Variants in WDR62 observed in about 807,000 individuals in gnomAD.
WDR62 encodes WD repeat-containing protein 62.
A neutral mutation model predicts 160.6 loss-of-function variants in WDR62; 112 were observed. That is an observed-to-expected ratio of 0.70 (90% CI 0.60 to 0.82). The LOEUF (loss-of-function observed/expected upper bound fraction) is 0.82, where lower values mean the gene tolerates loss of function less well. Ranked by LOEUF, WDR62 falls within the 40% of genes least tolerant of loss-of-function variation. The pLI is 0.00. For synonymous variants in WDR62, 792 were observed against 815.1 expected (o/e 0.97, Z 0.48); for missense variants, 1,819 against 1,983.8 (o/e 0.92, Z 1.58).
rs755228421 is a variant in WDR62 at position 36,103,037 on chromosome 19, G to C, written c.3425G>C (p.Arg1142Thr). 4 of 1,614,136 alleles carry C rather than the reference G, an allele frequency of 2.5e-6. No individual in the cohort carries two copies. Among genetic ancestry groups the C allele is most frequent in the South Asian group, 1.1e-5 (1 of 91,076 alleles). Residue 1142 changes from arginine (R) to threonine (T), a missense_variant, in exon 28 of 32, where the codon AGA (arginine) becomes ACA (threonine). Physicochemically the swap from Arg to Thr is moderately conservative, Grantham distance 71. Around this residue, in one of 3 missense-constraint regions of WDR62, gnomAD observed 770 missense variants for 734.2 expected, o/e 1.05. Coordinates refer to ENST00000401500, the MANE Select transcript of WDR62 (RefSeq NM_001083961.2). ...KLMDRGGSQP[R>T]AGTGYASPDR... Reference sequence around the variant, plus strand: ...ATGGACCGAGGCGGAAGCCAGCCCAGAGCAGGTACTGGCTACGCCTCCCCA... The same window carrying C: ...ATGGACCGAGGCGGAAGCCAGCCCACAGCAGGTACTGGCTACGCCTCCCCA...
At chr19:36,063,376 G>A (rs1172417743) in intron 3 of WDR62, among the ~76,000 whole-genome samples, 1 of 152,172 alleles carries the variant, frequency 6.6e-6, no homozygotes, top group African/African-American at 2.4e-5. Context: ...AGCCTCCTGA[G>A]TAGCTGGGAC....
chr19:36,091,946 A>G lies in WDR62; in HGVS notation c.2210+481A>G, dbSNP rs1031628439. ...TGCCATTTATTTTCTTGTCACCTTG[A>G]GCAGGTTATTTCCCCTGAGCCTCAG... is the stretch of plus-strand genomic sequence containing the variant. On this transcript the variant is annotated intron_variant, in intron 18 of 31. Transcript: ENST00000401500. Among the ~76,000 whole-genome samples, 59 of 152,070 alleles carry G rather than the reference A, an allele frequency of 3.9e-4. No individual in the cohort carries two copies. The Middle Eastern group carries it at 0.017, about 44-fold the overall frequency.
chr19:36,057,052 C>T lies in WDR62; in HGVS notation c.178-1728C>T, dbSNP rs377029393. On this transcript the variant is annotated intron_variant, in intron 1 of 31. Transcript: ENST00000401500. ...CTGGTCTTGAATTACTGAGCTCAAG[C>T]GATCTGCCTGCCTCGGCCTCCCAAA... 3.0e-4 allele frequency among the ~76,000 whole-genome samples: 46 copies of T among 152,116 alleles called. No homozygotes were observed. The South Asian group carries it at 3.3e-3, about 11-fold the overall frequency.
In WDR62 at chr19:36,102,870, C is replaced by T. The variant is rs1223151792; in HGVS notation, c.3335+19C>T. The T allele has an allele frequency of 6.2e-7, 1 of 1,614,056 alleles. No homozygotes were observed. The highest frequency in any genetic ancestry group is 2.2e-5 in the East Asian group (1 of 44,888). ...CATCCAGGTAGAAGCTGGCCAAGCACTGCCCACCCTCTGGCTCCTCAACAG... is the reference window on the plus strand; with the variant it reads ...CATCCAGGTAGAAGCTGGCCAAGCATTGCCCACCCTCTGGCTCCTCAACAG... On this transcript the variant is annotated intron_variant, in intron 27 of 31. Transcript: ENST00000401500.
At chr19:36,056,783 G>C (rs1278439392) in intron 1 of WDR62, among the ~76,000 whole-genome samples, 2 of 151,932 alleles carry the variant, frequency 1.3e-5, no homozygotes, top group Admixed American at 6.6e-5. Context: ...TGTTCTTCCT[G>C]GCAGGTTATG....
chr19:36,092,546 C>T, intron 18 of WDR62, 143 bp from the exon 19 acceptor site: 1 of 1,209,224 alleles, frequency 8.3e-7, no homozygotes, highest in Non-Finnish European at 1.2e-6. Context: ...CACCCCTGCA[C>T]TAAGCGGATA....
At chr19:36,080,877 G>A (rs763492341) in intron 9 of WDR62, among the ~76,000 whole-genome samples, 10 of 152,134 alleles carry the variant, frequency 6.6e-5, no homozygotes, top group Non-Finnish European at 1.5e-4. Context: ...TTATCTTTTA[G>A]TTCTTCAAAC....
intron 23 of WDR62, among the ~76,000 whole-genome samples, 163 bp downstream of exon 23, chr19:36,101,038 G>C (rs1000335593): frequency 6.6e-6 from 1 of 152,176 alleles, no homozygotes; most frequent in African/African-American, 2.4e-5. Flanking sequence ...GGTTCCAGGT[G>C]GGGTACAGGA....
chr19:36,082,095 A>G (rs1971934122), intron 10 of WDR62, among the ~76,000 whole-genome samples: 1 of 152,216 alleles, frequency 6.6e-6, no homozygotes, highest in South Asian at 2.1e-4. Context: ...TATTCTGCAG[A>G]CACTTATTAA....
chr19:36,069,979 G>A (rs1971200334), intron 7 of WDR62, among the ~76,000 whole-genome samples: 1 of 151,892 alleles, frequency 6.6e-6, no homozygotes, highest in South Asian at 2.1e-4. Context: ...GCATCAGAGG[G>A]AGACCGTGGA....
intron 16 of WDR62, among the ~76,000 whole-genome samples, chr19:36,090,815 C>T (rs973507797): frequency 3.9e-5 from 6 of 152,220 alleles, no homozygotes; most frequent in African/African-American, 1.4e-4. Flanking sequence ...GGTTTGCCCA[C>T]ACCAGCCACG....
chr19:36,087,386 A>G (rs1319659068), intron 13 of WDR62, among the ~76,000 whole-genome samples: 2 of 152,006 alleles, frequency 1.3e-5, no homozygotes, highest in Non-Finnish European at 2.9e-5. Flanking sequence ...GTGCACCTGT[A>G]ATCCCAGCTA....
chr19:36,057,681 A>AT (rs1292619152), intron 1 of WDR62, among the ~76,000 whole-genome samples: 1 of 151,970 alleles, frequency 6.6e-6, no homozygotes, highest in Admixed American at 6.6e-5. Context: ...CACCTGACTA[A>AT]TTTTTTTGTA....
At chr19:36,093,918 C>A in intron 19 of WDR62, 113 bp from the exon 20 acceptor site, 2 of 1,329,634 alleles carry the variant, frequency 1.5e-6, no homozygotes, top group Non-Finnish European at 2.2e-6. Flanking sequence ...TCTTGACCAG[C>A]AGCCAAGAAT....
In WDR62 at chr19:36,076,263, G is replaced by GTT. The variant is rs946744804; in HGVS notation, c.1233+2742_1233+2743dup. ...ATCAACCATTTCTCGAAAAGACCAT[G>GTT]TTTTTTTTTTTGGGCTGGGTGCAGT... On this transcript the variant is annotated intron_variant, in intron 9 of 31. Coordinates refer to ENST00000401500, the MANE Select transcript of WDR62 (RefSeq NM_001083961.2). Among the ~76,000 whole-genome samples, 82 of 145,670 alleles carry GTT rather than the reference G, an allele frequency of 5.6e-4. 1 individual carries two copies. Among genetic ancestry groups the GTT allele is most frequent in the Admixed American group, 2.8e-4 (4 of 14,490 alleles).
Position 36,104,680 on chromosome 19 carries a change from G to A in WDR62, c.4311+5G>A. On this transcript the variant is annotated splice_donor_5th_base_variant and intron_variant, in intron 31 of 31. Transcript: ENST00000401500. ...GCCCTCGACCTTTACCGTGTGGTGA[G>A]CTAAGCCCCAGAGTTGGGAAAGGGT... is the stretch of plus-strand genomic sequence containing the variant. 2 of 1,614,084 alleles carry A rather than the reference G, an allele frequency of 1.2e-6. No individual in the cohort carries two copies. The highest frequency in any genetic ancestry group is 1.7e-5 in the Admixed American group (1 of 60,028).
At position 36,103,587 on chromosome 19, in the gene WDR62, G is replaced by A. The variant is rs747289837; in HGVS notation, c.3759G>A (p.Ser1253=). The change falls in exon 30 of 32, where the codon TCG becomes TCA. Residue 1253 remains serine, a synonymous_variant. Transcript: ENST00000401500. ...ATLAQPLRRP[S]SVGELASLGQ... Reference sequence around the variant, plus strand: ...TGGCCCAGCCCCTCCGTAGGCCATCGTCCGTTGGGGAGCTGGCCTCCTTGG... The same window carrying A: ...TGGCCCAGCCCCTCCGTAGGCCATCATCCGTTGGGGAGCTGGCCTCCTTGG... The A allele has an allele frequency of 9.9e-6, 16 of 1,613,356 alleles. No homozygotes were observed. The highest frequency in any genetic ancestry group is 6.7e-5 in the African/African-American group (5 of 74,914).
intron 9 of WDR62, among the ~76,000 whole-genome samples, chr19:36,077,888 G>T (rs998450479): frequency 2.6e-5 from 4 of 152,240 alleles, no homozygotes; most frequent in Admixed American, 2.6e-4. Context: ...GAGCCACCAT[G>T]CCTGACCTGA....
At chr19:36,107,729 G>A (rs1271063160), downstream of WDR62, among the ~76,000 whole-genome samples, 1 of 152,076 alleles carries the variant, frequency 6.6e-6, no homozygotes, top group Non-Finnish European at 1.5e-5. Flanking sequence ...AAAGGCAAGT[G>A]GGCTGGTAAT....
Sources: gnomAD v4.1 joint callset for allele counts (sites outside exome capture counted in the v4.1 genomes callset) on GRCh38, gnomAD v4.1.1 for gene constraint, gnomAD v4.1.1 regional missense constraint, MANE v1.5 for transcripts, NCBI Gene and HGNC (gene_info 2026-07-23, HGNC 2026-07-21) for gene names.